SLC6A16: variants seen among roughly 807,000 people sequenced by gnomAD.
SLC6A16 encodes orphan sodium- and chloride-dependent neurotransmitter transporter NTT5.
In SLC6A16, 54 loss-of-function variants were observed where a neutral mutation model predicts 65.4. That is an observed-to-expected ratio of 0.83 (90% CI 0.66 to 1.04). The LOEUF (loss-of-function observed/expected upper bound fraction) is 1.04. Ranked by LOEUF, SLC6A16 falls within the 50% of genes least tolerant of loss-of-function variation. The probability of loss-of-function intolerance (pLI) is 0.00; values close to 1 mark genes in which losing one functional copy is unlikely to be tolerated. For missense variants in SLC6A16, 816 were observed against 914.0 expected, an observed-to-expected ratio of 0.89 and a Z score of 1.38; for synonymous variants, 330 against 346.5, an observed-to-expected ratio of 0.95 and a Z score of 0.53.
the SLC6A16 span, chr19:49,335,663 C>A: frequency 1.2e-6 from 2 of 1,608,164 alleles, no homozygotes; most frequent in Non-Finnish European, 1.7e-6. The surrounding 1 kb of genome is among the most constrained non-coding windows in gnomAD (Gnocchi z 4.6). Flanking sequence ...GCTAACCCAG[C>A]CCTCATCTTC....
At chr19:49,314,106 A>AT (rs79848931) in intron 1 of SLC6A16, among the ~76,000 whole-genome samples, 1 of 141,450 alleles carries the variant, frequency 7.1e-6, no homozygotes. Flanking sequence ...AAAAAAAAAA[A>AT]AATCATAATC....
At chr19:49,329,761 T>C (rs1001028910), upstream of SLC6A16, among the ~76,000 whole-genome samples, 3 of 149,498 alleles carry the variant, frequency 2.0e-5, no homozygotes, top group African/African-American at 7.4e-5. Flanking sequence ...GCCTCCCGAA[T>C]AGCTGGGACT....
intron 11 of SLC6A16, 101 bp downstream of exon 11, chr19:49,290,504 G>A (rs1178538833): frequency 1.2e-5 from 19 of 1,554,746 alleles, no homozygotes; most frequent in East Asian, 1.1e-4. Context: ...ATGAGTCTTC[G>A]GGCAGTAAGA....
chr19:49,335,953 T>C, the SLC6A16 span: 13 of 652,724 alleles, frequency 2.0e-5, no homozygotes, highest in African/African-American at 3.6e-5. This position sits in a 1 kb window ranked among gnomAD's most constrained non-coding sequence, Gnocchi z 4.6. Context: ...TTCCGGCAAA[T>C]GGGGTTGTGC....
rs1970487637 is a variant in SLC6A16, at chr19:49,310,182, G to C, written c.574-16C>G. ...TGAAGCACACCTGGGGGCCAAGGAG[G>C]ATATGGCTGGGGAGGAAGAGCAGGG... On this transcript the variant is annotated splice_polypyrimidine_tract_variant and intron_variant, in intron 3 of 11. Transcript: ENST00000335875. 1 of 1,613,878 alleles carries C rather than the reference G, an allele frequency of 6.2e-7. No homozygotes were observed. The highest frequency in any genetic ancestry group is 8.5e-7 in the Non-Finnish European group (1 of 1,179,982).
At chr19:49,337,784 TGAA>T in the SLC6A16 span, 1 of 1,544,046 alleles carries the variant, frequency 6.5e-7, no homozygotes, top group South Asian at 1.2e-5. Context: ...AAGACAGACC[TGAA>T]GTACACAGAG....
chr19:49,338,906 T>C, the SLC6A16 span: 2 of 1,613,952 alleles, frequency 1.2e-6, no homozygotes, highest in East Asian at 4.5e-5. This position sits in a 1 kb window ranked among gnomAD's most constrained non-coding sequence, Gnocchi z 5.0. Flanking sequence ...ACATCTGCGC[T>C]GTCCCTGCAG....
At chr19:49,301,885 C>T (rs1970297873) in intron 7 of SLC6A16, among the ~76,000 whole-genome samples, 1 of 152,206 alleles carries the variant, frequency 6.6e-6, no homozygotes, top group African/African-American at 2.4e-5. Context: ...GGACCCAGCA[C>T]AGCTACCATG....
Position 49,293,297 on chromosome 19 carries a change from G to A in SLC6A16, c.1704C>T (p.Tyr568=). Residue 568 remains tyrosine, a synonymous_variant, in exon 10 of 12, where the codon TAC becomes TAT. Coordinates refer to ENST00000335875, the MANE Select transcript of SLC6A16 (RefSeq NM_014037.3). ...GSYFIRLLSD[Y]WIVFPIIVVV... ...CGACGATGATGGGGAAGACTATCCA[G>A]TAGTCACTCAGCAGTCTGATGAAGT... 12 of 1,614,114 alleles carry A rather than the reference G, an allele frequency of 7.4e-6. No homozygotes were observed. The highest frequency in any genetic ancestry group is 9.3e-6 in the Non-Finnish European group (11 of 1,179,984).
At chr19:49,322,452 C>G (rs942673761) in intron 1 of SLC6A16, among the ~76,000 whole-genome samples, 5 of 151,840 alleles carry the variant, frequency 3.3e-5, no homozygotes, top group African/African-American at 1.2e-4. Context: ...ACCAGCCTGA[C>G]GAACATGGAG....
chr19:49,305,077 G>A (rs1302406080), intron 7 of SLC6A16, among the ~76,000 whole-genome samples: 1 of 152,120 alleles, frequency 6.6e-6, no homozygotes, highest in African/African-American at 2.4e-5. Flanking sequence ...TGGAATCTGG[G>A]GTAGCTTTTT....
At chr19:49,338,075 C>A in the SLC6A16 span, 1 of 1,601,090 alleles carries the variant, frequency 6.2e-7, no homozygotes, top group Middle Eastern at 1.7e-4. This position sits in a 1 kb window ranked among gnomAD's most constrained non-coding sequence, Gnocchi z 5.0. Context: ...CCCGCCTCAG[C>A]CCTGTGCTTG....
At chr19:49,298,773 C>G in intron 7 of SLC6A16, among the ~76,000 whole-genome samples, 1 of 152,160 alleles carries the variant, frequency 6.6e-6, no homozygotes, top group Non-Finnish European at 1.5e-5. Context: ...TATCACAGTA[C>G]TATTCACAAT....
At chr19:49,320,316 G>A (rs1970688378) in intron 1 of SLC6A16, among the ~76,000 whole-genome samples, 1 of 151,848 alleles carries the variant, frequency 6.6e-6, no homozygotes, top group African/African-American at 2.4e-5. Context: ...GCTGAGGCAG[G>A]AGAATCGCTT....
At chr19:49,335,312 C>T in the SLC6A16 span, 1 of 570,396 alleles carries the variant, frequency 1.8e-6, no homozygotes, top group Non-Finnish European at 3.1e-6. The surrounding 1 kb of genome is among the most constrained non-coding windows in gnomAD (Gnocchi z 4.6). Flanking sequence ...GCATGTGTCC[C>T]AGTGGAGCAG....
chr19:49,290,820 G>C, intron 10 of SLC6A16, 53 bp from the exon 11 acceptor site: 1 of 1,495,616 alleles, frequency 6.7e-7, no homozygotes. Context: ...CACCACCTTG[G>C]AGGCAGGGCC....
rs925378913 is a variant in SLC6A16, at chr19:49,292,937, A to G, written c.1778+286T>C. On this transcript the variant is annotated intron_variant, in intron 10 of 11. Transcript: ENST00000335875. The surrounding 1 kb of genome is among the most constrained non-coding windows in gnomAD (Gnocchi z 4.3). ...TCAACGTTTTTATTCTTTATTTGCT[A>G]ATCTGGTTATTGTCTCTCTAGACCA... Among the ~76,000 whole-genome samples, 2 of 152,096 alleles carry G rather than the reference A, an allele frequency of 1.3e-5. No homozygotes were observed. The highest frequency in any genetic ancestry group is 4.8e-5 in the African/African-American group (2 of 41,414).
the SLC6A16 span, chr19:49,331,672 C>CAGTG: frequency 4.6e-6 from 2 of 434,886 alleles, no homozygotes; most frequent in African/African-American, 4.0e-5. Flanking sequence ...TTCCTGCAGC[C>CAGTG]AGTGAGTGAA....
Position 49,309,651 on chromosome 19 carries a change from C to T in SLC6A16, c.876G>A (p.Lys292=). Reference sequence around the variant, plus strand: ...AAGGAATCCAATACTGGTGGCTCACCTTCCCAGTGGACTTGAGCCCATTGA... The same window carrying T: ...AAGGAATCCAATACTGGTGGCTCACTTTCCCAGTGGACTTGAGCCCATTGA... ...FMINGLKSTG[K]VIYVLVLLPC... Residue 292 remains lysine, a splice_region_variant and synonymous_variant, in exon 5 of 12, where the codon AAG becomes AAA. Coordinates refer to ENST00000335875, the MANE Select transcript of SLC6A16 (RefSeq NM_014037.3). The T allele has an allele frequency of 1.2e-6, 2 of 1,611,642 alleles. No individual in the cohort carries two copies. The highest frequency in any genetic ancestry group is 4.5e-5 in the East Asian group (2 of 44,778).
Sources: gnomAD v4.1 joint callset for allele counts (sites outside exome capture counted in the v4.1 genomes callset) on GRCh38, gnomAD v4.1.1 for gene constraint, Gnocchi (gnomAD v3.1) non-coding constraint, MANE v1.5 for transcripts, NCBI Gene and HGNC (gene_info 2026-07-23, HGNC 2026-07-21) for gene names.